Variants in LCLAT1 observed in about 807,000 individuals in gnomAD.
The protein encoded by LCLAT1 is 1-AGP acyltransferase 8.
Under a neutral mutation model 30.7 loss-of-function variants are expected in LCLAT1, and 11 were observed. The observed-to-expected ratio is 0.36, with a 90% confidence interval of 0.23 to 0.59. The LOEUF is 0.59. LCLAT1 is among the 20% of genes least tolerant of loss of function. LCLAT1 has a pLI of 0.77. For missense variants in LCLAT1, 402 were observed against 458.6 expected (o/e 0.88, Z 1.13); for synonymous variants, 155 against 151.3 (o/e 1.02, Z -0.18).
intron 5 of LCLAT1, chr2:30,606,328 C>T (rs893745401): frequency 1.5e-4 from 41 of 282,104 alleles, no homozygotes; most frequent in Admixed American, 2.1e-4. Context: ...CATTACCTGA[C>T]TTCAAACTAT....
Position 30,640,615 on chromosome 2 carries a change from A to G in LCLAT1, c.1127A>G (p.Glu376Gly). ...CCACATTTAAATTCAAAGAAAAATG[A>G]GTAAGATTATAAGGTTTGCCATGTG... ...KQPHLNSKKN[E>G] The change falls in exon 6 of 6, where the codon GAG becomes GGG. Residue 376 changes from glutamate to glycine, a missense_variant. Transcript: ENST00000379509. 6.3e-7 allele frequency: 1 copy of G among 1,598,124 alleles called. No homozygotes were observed. The highest frequency in any genetic ancestry group is 8.5e-7 in the Non-Finnish European group (1 of 1,173,618).
intron 1 of LCLAT1, among the ~76,000 whole-genome samples, chr2:30,512,931 C>T (rs1685010761): frequency 6.6e-6 from 1 of 152,046 alleles, no homozygotes. Flanking sequence ...AATATTTCTG[C>T]GTGATAGAGT....
intron 2 of LCLAT1, among the ~76,000 whole-genome samples, chr2:30,526,800 T>C (rs1354422845): frequency 6.6e-6 from 1 of 152,212 alleles, no homozygotes; most frequent in Non-Finnish European, 1.5e-5. Context: ...CTTATCCTAA[T>C]TGTAGATTTA....
Position 30,640,603 on chromosome 2 carries a change from C to G in LCLAT1, c.1115C>G (p.Ser372Ter), listed in dbSNP as rs376342311. 3 of 1,600,066 alleles carry G rather than the reference C, an allele frequency of 1.9e-6. No individual in the cohort carries two copies. Among genetic ancestry groups the G allele is most frequent in the Non-Finnish European group, 2.6e-6 (3 of 1,174,994 alleles). Residue 372 changes from serine (S) to a stop codon, truncating the protein, a stop_gained, in exon 6 of 6, where the codon TCA (serine) becomes TGA (stop). Transcript: ENST00000379509. LOFTEE classifies it high-confidence loss of function. ...RLLHKQPHLNSKKNE is the reference protein window; with the variant it reads ...RLLHKQPHLN ...TTACACAAACAGCCACATTTAAATT[C>G]AAAGAAAAATGAGTAAGATTATAAG...
Position 30,552,877 on chromosome 2 carries a change from C to T in LCLAT1, c.365-9269C>T, listed in dbSNP as rs190577515. ...TTTGCATCTGTTCCTATTGTTCATTCTCATTTAATAGAGGCCTATGGGTAG... is the reference window on the plus strand; with the variant it reads ...TTTGCATCTGTTCCTATTGTTCATTTTCATTTAATAGAGGCCTATGGGTAG... On this transcript the variant is annotated intron_variant, in intron 3 of 5. Coordinates refer to ENST00000379509, the MANE Select transcript of LCLAT1 (RefSeq NM_001002257.3). Among the ~76,000 whole-genome samples the T allele has an allele frequency of 1.5e-3, 234 of 152,180 alleles. 1 individual carries two copies. The highest frequency in any genetic ancestry group is 5.4e-3 in the African/African-American group (225 of 41,514).
intron 1 of LCLAT1, among the ~76,000 whole-genome samples, chr2:30,507,771 A>C (rs1684741485): frequency 1.3e-5 from 2 of 152,202 alleles, no homozygotes; most frequent in Admixed American, 1.3e-4. Context: ...CAGTGAACAT[A>C]CACATGCATG....
chr2:30,463,022 G>A (rs1682242676), intron 1 of LCLAT1, among the ~76,000 whole-genome samples: 1 of 152,156 alleles, frequency 6.6e-6, no homozygotes, highest in Non-Finnish European at 1.5e-5. Flanking sequence ...AGCTACTTGG[G>A]AGGCTGAGGC....
intron 5 of LCLAT1, among the ~76,000 whole-genome samples, chr2:30,600,978 ATTTCT>A (rs139375938): frequency 0.096 from 14,638 of 151,920 alleles, 730 homozygotes; most frequent in East Asian, 0.11. Flanking sequence ...GGTTTTGTTC[ATTTCT>A]TTTAATTCTT....
intron 1 of LCLAT1, among the ~76,000 whole-genome samples, chr2:30,488,876 C>T (rs886938752): frequency 3.3e-5 from 5 of 152,150 alleles, no homozygotes; most frequent in East Asian, 1.9e-4. Flanking sequence ...TGATGCTCAC[C>T]GAAGGCAGTT....
At chr2:30,519,416 A>G (rs1262760463) in intron 1 of LCLAT1, among the ~76,000 whole-genome samples, 4 of 152,008 alleles carry the variant, frequency 2.6e-5, no homozygotes. Flanking sequence ...AACCCCTACT[A>G]TGCCCCAGTT....
chr2:30,537,057 G>A (rs1465090674), intron 3 of LCLAT1, among the ~76,000 whole-genome samples: 2 of 152,212 alleles, frequency 1.3e-5, no homozygotes, highest in Admixed American at 6.5e-5. Flanking sequence ...CCAAACATGA[G>A]CAGGAGTAGG....
At chr2:30,536,450 A>G (rs1451248795) in intron 3 of LCLAT1, among the ~76,000 whole-genome samples, 1 of 152,228 alleles carries the variant, frequency 6.6e-6, no homozygotes. Flanking sequence ...TCTTAGCAGA[A>G]ACTTTACAGG....
intron 5 of LCLAT1, among the ~76,000 whole-genome samples, chr2:30,620,126 C>CA (rs1263726097): frequency 3.3e-5 from 5 of 151,920 alleles, no homozygotes; most frequent in Non-Finnish European, 7.4e-5. Context: ...TGGAATTAAG[C>CA]AAAAAAACCT....
At chr2:30,591,518 A>AG (rs1666692460) in intron 5 of LCLAT1, among the ~76,000 whole-genome samples, 1 of 152,220 alleles carries the variant, frequency 6.6e-6, no homozygotes. Context: ...CTTTAAACAA[A>AG]GTAGTATGTT....
chr2:30,586,390 T>C (rs1343756647), intron 5 of LCLAT1, among the ~76,000 whole-genome samples: 1 of 152,172 alleles, frequency 6.6e-6, no homozygotes, highest in South Asian at 2.1e-4. Flanking sequence ...TTGCCATCAG[T>C]CTTAGGCATT....
At chr2:30,562,092 T>C in intron 3 of LCLAT1, 54 bp from the exon 4 acceptor site, 1 of 1,295,556 alleles carries the variant, frequency 7.7e-7, no homozygotes, top group Non-Finnish European at 1.1e-6. Flanking sequence ...TTCAATAATA[T>C]GTGGATATTG....
chr2:30,562,107 T>C, intron 3 of LCLAT1, 39 bp from the exon 4 acceptor site: 1 of 1,519,308 alleles, frequency 6.6e-7, no homozygotes. Flanking sequence ...ATATTGGCAA[T>C]AAAATTATAG....
chr2:30,546,269 G>A (rs1209797980), intron 3 of LCLAT1, among the ~76,000 whole-genome samples: 1 of 152,164 alleles, frequency 6.6e-6, no homozygotes, highest in Non-Finnish European at 1.5e-5. Flanking sequence ...CTGTTCAGAA[G>A]TTCAGCCTCC....
intron 5 of LCLAT1, among the ~76,000 whole-genome samples, chr2:30,587,585 A>G (rs772986983): frequency 5.3e-5 from 8 of 152,234 alleles, no homozygotes; most frequent in African/African-American, 4.8e-5. Flanking sequence ...TAAGGATTTT[A>G]TGTTTATAAA....
Sources: gnomAD v4.1 joint callset for allele counts (sites outside exome capture counted in the v4.1 genomes callset) on GRCh38, gnomAD v4.1.1 for gene constraint, MANE v1.5 for transcripts, NCBI Gene and HGNC (gene_info 2026-07-23, HGNC 2026-07-21) for gene names.